ROS1: variants seen among roughly 807,000 people sequenced by gnomAD.
ROS1 encodes ROS proto-oncogene 1, receptor tyrosine kinase.
Under a neutral mutation model 273.5 loss-of-function variants are expected in ROS1, and 263 were observed. That is an observed-to-expected ratio of 0.96 (90% CI 0.87 to 1.06). The LOEUF (loss-of-function observed/expected upper bound fraction) is 1.06, where lower values mean the gene tolerates loss of function less well. Ranked by LOEUF, ROS1 falls within the 50% of genes least tolerant of loss-of-function variation. The pLI, the probability that ROS1 is intolerant of heterozygous loss-of-function variation, is 0.00. For synonymous variants in ROS1, 1,008 were observed against 954.1 expected (o/e 1.06, Z -1.04); for missense variants, 2,833 against 2,751.1 (o/e 1.03, Z -0.67).
intron 18 of ROS1, among the ~76,000 whole-genome samples, chr6:117,378,616 T>C (rs1362357576): frequency 1.3e-5 from 2 of 152,182 alleles, no homozygotes; most frequent in Non-Finnish European, 2.9e-5. Flanking sequence ...TATCTGACAA[T>C]GCTAATGTGG....
intron 22 of ROS1, among the ~76,000 whole-genome samples, chr6:117,362,056 AAAAC>A (rs1308701862): frequency 2.6e-5 from 4 of 152,200 alleles, no homozygotes; most frequent in African/African-American, 9.6e-5. Flanking sequence ...TAAAAAATGT[AAAAC>A]AAATCAGTAA....
intron 7 of ROS1, among the ~76,000 whole-genome samples, chr6:117,402,780 T>C (rs887008901): frequency 2.0e-5 from 3 of 150,160 alleles, no homozygotes; most frequent in African/African-American, 7.4e-5. Flanking sequence ...CCCAGCTGCT[T>C]GGAAGGCTGA....
chr6:117,293,854 G>A (rs1213954337), intron 43 of ROS1, among the ~76,000 whole-genome samples: 1 of 152,110 alleles, frequency 6.6e-6, no homozygotes, highest in Non-Finnish European at 1.5e-5. Context: ...TGCTTTTAAT[G>A]ATAAGAGCAC....
intron 39 of ROS1, among the ~76,000 whole-genome samples, chr6:117,312,431 A>G (rs551643200): frequency 6.6e-5 from 10 of 152,088 alleles, no homozygotes; most frequent in Non-Finnish European, 1.2e-4. Context: ...GCTAATAACT[A>G]GGCTATGACC....
At chr6:117,332,995 G>A (rs1266973846) in intron 32 of ROS1, among the ~76,000 whole-genome samples, 1 of 151,778 alleles carries the variant, frequency 6.6e-6, no homozygotes, top group Non-Finnish European at 1.5e-5. Flanking sequence ...ACTAAGATCA[G>A]AGAAGAACTG....
At chr6:117,403,544 G>C (rs1774128364) in intron 6 of ROS1, among the ~76,000 whole-genome samples, 1 of 151,930 alleles carries the variant, frequency 6.6e-6, no homozygotes, top group Admixed American at 6.6e-5. Flanking sequence ...ATAGTATCTT[G>C]GGACTATTTT....
At chr6:117,337,054 A>G (rs1328417322) in intron 32 of ROS1, 118 bp downstream of exon 32, 1 of 806,814 alleles carries the variant, frequency 1.2e-6, no homozygotes, top group Non-Finnish European at 1.9e-6. Context: ...AAGTTCTAGA[A>G]ATAATAATGT....
rs2128704044 is a variant in ROS1 at position 117,389,436 on chromosome 6, G to A, written c.1700C>T (p.Pro567Leu). The change falls in exon 13 of 44, where the codon CCA becomes CTA. Residue 567 changes from proline to leucine, a missense_variant. Coordinates refer to ENST00000368507, the MANE Select transcript of ROS1 (RefSeq NM_001378902.1). ...CACCGAAAGCTCCTGCGGGCGGCCTGGCAGAGGGTGCAGCTGGGAGGATGA... is the reference window on the plus strand; with the variant it reads ...CACCGAAAGCTCCTGCGGGCGGCCTAGCAGAGGGTGCAGCTGGGAGGATGA... Reference protein sequence around the residue: ...FGSSSQLHPLPGRPQELSVLF... With the variant: ...FGSSSQLHPLLGRPQELSVLF... 1 of 1,614,142 alleles carries A rather than the reference G, an allele frequency of 6.2e-7. No homozygotes were observed. The highest frequency in any genetic ancestry group is 8.5e-7 in the Non-Finnish European group (1 of 1,180,018).
At chr6:117,300,013 C>A (rs1346329271) in intron 43 of ROS1, among the ~76,000 whole-genome samples, 6 of 146,640 alleles carry the variant, frequency 4.1e-5, no homozygotes, top group Non-Finnish European at 9.0e-5. Context: ...AGCTCCACCT[C>A]CCGGGTTCAT....
chr6:117,310,116 CAA>C lies in ROS1; in HGVS notation c.6379_6380del (p.Leu2127AspfsTer10). The C allele has an allele frequency of 6.2e-7, 1 of 1,613,522 alleles. No individual in the cohort carries two copies. Among genetic ancestry groups the C allele is most frequent in the Non-Finnish European group, 8.5e-7 (1 of 1,179,608 alleles). On this transcript the variant is annotated frameshift_variant, in exon 41 of 44. Transcript: ENST00000368507. LOFTEE classifies it high-confidence loss of function. ...ATTGAGTAGTGAAGATTCCATCCAT[CAA>C]ACTTTCTGGAGCCATCCACCGAACT... ...LPVRWMAPES[L>X]MDGIFTTQSD...
intron 18 of ROS1, 69 bp from the exon 19 acceptor site, chr6:117,366,359 C>T (rs1198212859): frequency 9.5e-7 from 1 of 1,049,228 alleles, no homozygotes; most frequent in Non-Finnish European, 1.5e-6. Flanking sequence ...TGCAAGTAGT[C>T]ATGAGAATAT....
chr6:117,346,404 C>G (rs979095409), intron 27 of ROS1, among the ~76,000 whole-genome samples: 4 of 151,894 alleles, frequency 2.6e-5, no homozygotes, highest in African/African-American at 9.7e-5. Context: ...AAAATAGACT[C>G]CATTTTTTAA....
chr6:117,398,746 G>A (rs1360856867), intron 7 of ROS1, among the ~76,000 whole-genome samples: 6 of 150,306 alleles, frequency 4.0e-5, no homozygotes, highest in Non-Finnish European at 7.4e-5. Flanking sequence ...AGGCCGAGGC[G>A]GGCGGATCAC....
At chr6:117,388,870 C>T (rs941082648) in intron 13 of ROS1, among the ~76,000 whole-genome samples, 4 of 152,152 alleles carry the variant, frequency 2.6e-5, no homozygotes, top group Admixed American at 2.0e-4. Flanking sequence ...TAGTAACTTG[C>T]CCAGGGTCAT....
intron 39 of ROS1, among the ~76,000 whole-genome samples, chr6:117,316,749 T>C (rs575348442): frequency 3.7e-4 from 56 of 152,170 alleles, no homozygotes; most frequent in African/African-American, 1.3e-3. Flanking sequence ...AAAAGATATG[T>C]CAACTAGAGA....
chr6:117,389,831 G>T lies in ROS1; in HGVS notation c.1305C>A (p.Leu435=). Residue 435 remains leucine (L), a synonymous_variant, in exon 13 of 44, where the codon CTC becomes CTA. Coordinates refer to ENST00000368507, the MANE Select transcript of ROS1 (RefSeq NM_001378902.1). The part of the protein sequence containing the change: ...ADSYNGYVFY[L]LRDGIYRADL... ...CTGCTCTATAAATGCCATCTCTCAG[G>T]AGGTAAAAGACATACCTGACACAGG... The T allele has an allele frequency of 6.2e-7, 1 of 1,607,618 alleles. No homozygotes were observed. Among genetic ancestry groups the T allele is most frequent in the Non-Finnish European group, 8.5e-7 (1 of 1,174,598 alleles).
At chr6:117,415,407 A>G (rs1775264383) in intron 3 of ROS1, among the ~76,000 whole-genome samples, 1 of 152,234 alleles carries the variant, frequency 6.6e-6, no homozygotes, top group African/African-American at 2.4e-5. Flanking sequence ...ACTCATTAAT[A>G]GAAAATGACA....
In ROS1 at chr6:117,383,110, T is replaced by C. The variant is rs17570613; in HGVS notation, c.2481+207A>G. The stretch of plus-strand genomic sequence containing the variant: ...GCATTTGAACTTACATAATCACTTA[T>C]CACCATCAAATAAGGCTTTCAATTG... On this transcript the variant is annotated intron_variant, in intron 17 of 43. Transcript: ENST00000368507. 0.076 allele frequency among the ~76,000 whole-genome samples: 11,588 copies of C among 152,118 alleles called. 540 individuals are homozygous for C. Among genetic ancestry groups the C allele is most frequent in the Non-Finnish European group, 0.097 (6,612 of 67,970 alleles).
intron 15 of ROS1, among the ~76,000 whole-genome samples, 183 bp from the exon 16 acceptor site, chr6:117,386,044 G>T (rs1373537815): frequency 6.6e-6 from 1 of 152,220 alleles, no homozygotes; most frequent in Admixed American, 6.5e-5. Context: ...CCTGAAACCA[G>T]GGAGAACAGT....
Sources: allele counts gnomAD v4.1 joint callset (sites outside exome capture counted in the v4.1 genomes callset), GRCh38; gene constraint gnomAD v4.1.1; transcripts MANE v1.5; gene names NCBI Gene and HGNC (gene_info 2026-07-23, HGNC 2026-07-21).